The following RBFOX1 variants were observed in gnomAD, a reference collection of about 807,000 sequenced individuals.
RBFOX1 encodes the protein RNA binding protein fox-1 homolog 1.
A neutral mutation model predicts 57.7 loss-of-function variants in RBFOX1; 8 were observed. The observed-to-expected ratio is 0.14, with a 90% CI of 0.08 to 0.25. The LOEUF is 0.25. RBFOX1 is among the 10% of genes least tolerant of loss of function. The probability of loss-of-function intolerance (pLI) is 1.00; values close to 1 mark genes in which losing one functional copy is unlikely to be tolerated. For synonymous variants in RBFOX1, 326 were observed against 222.4 expected (o/e 1.47, Z -4.15); for missense variants, 611 against 548.5 (o/e 1.11, Z -1.14).
intron 2 of RBFOX1, among the ~76,000 whole-genome samples, chr16:6,366,842 T>G (rs1292686120): frequency 6.6e-6 from 1 of 152,206 alleles, no homozygotes; most frequent in Non-Finnish European, 1.5e-5. Flanking sequence ...GCTTTTGTGC[T>G]TTTCTGTCTC....
At chr16:6,145,440 T>C (rs2096750591) in intron 1 of RBFOX1, among the ~76,000 whole-genome samples, 1 of 152,218 alleles carries the variant, frequency 6.6e-6, no homozygotes, top group African/African-American at 2.4e-5. Flanking sequence ...CTGTCATTGA[T>C]GGGCATTTAG....
chr16:6,643,014 C>T (rs8054546), intron 2 of RBFOX1, among the ~76,000 whole-genome samples: 7 of 152,142 alleles, frequency 4.6e-5, no homozygotes, highest in Non-Finnish European at 7.4e-5. Context: ...AAACCATAGA[C>T]TTTTCGGAAT....
intron 1 of RBFOX1, among the ~76,000 whole-genome samples, chr16:5,408,144 G>C (rs976357828): frequency 1.3e-5 from 2 of 152,184 alleles, no homozygotes; most frequent in Non-Finnish European, 2.9e-5. Context: ...GCAAGGTGGT[G>C]CATTTTCAGC....
chr16:6,865,382 A>G (rs191172991), intron 3 of RBFOX1, among the ~76,000 whole-genome samples: 78 of 152,144 alleles, frequency 5.1e-4, no homozygotes, highest in Non-Finnish European at 6.6e-4. Context: ...AATGCAGAAA[A>G]ACACAAAGAA....
At chr16:5,448,366 G>C (rs2068318053) in intron 1 of RBFOX1, among the ~76,000 whole-genome samples, 1 of 152,168 alleles carries the variant, frequency 6.6e-6, no homozygotes, top group Non-Finnish European at 1.5e-5. Context: ...AAAAAAACTG[G>C]AATAAGGTAT....
At chr16:6,576,388 A>G (rs1038571340) in intron 2 of RBFOX1, among the ~76,000 whole-genome samples, 2 of 152,198 alleles carry the variant, frequency 1.3e-5, no homozygotes, top group Non-Finnish European at 2.9e-5. Context: ...AGACATGGGG[A>G]GAAGATGCCA....
chr16:6,735,687 G>T (rs1446763804), intron 3 of RBFOX1, among the ~76,000 whole-genome samples: 1 of 152,074 alleles, frequency 6.6e-6, no homozygotes, highest in Non-Finnish European at 1.5e-5. Flanking sequence ...AGATCCCTAG[G>T]GTTGCATTTC....
intron 3 of RBFOX1, among the ~76,000 whole-genome samples, chr16:6,974,431 G>A (rs181572250): frequency 7.7e-4 from 99 of 128,344 alleles, no homozygotes; most frequent in South Asian, 2.9e-3. Flanking sequence ...TGCAACTTTC[G>A]CCTCCCAGGT....
At chr16:5,342,502 A>G (rs1417069924) in intron 1 of RBFOX1, among the ~76,000 whole-genome samples, 1 of 152,170 alleles carries the variant, frequency 6.6e-6, no homozygotes, top group Non-Finnish European at 1.5e-5. Flanking sequence ...TAAAATGAGG[A>G]TAATAATATT....
chr16:6,049,691 A>G (rs1372148092), intron 1 of RBFOX1, among the ~76,000 whole-genome samples: 1 of 152,058 alleles, frequency 6.6e-6, no homozygotes, highest in South Asian at 2.1e-4. Flanking sequence ...CTTATTTCCA[A>G]TTCTAAAAAT....
intron 2 of RBFOX1, among the ~76,000 whole-genome samples, chr16:6,321,421 C>G (rs74005085): frequency 8.0e-4 from 122 of 152,280 alleles, no homozygotes; most frequent in Middle Eastern, 3.4e-3. Context: ...TAAATTGCTA[C>G]TGTCTCAAGC....
intron 4 of RBFOX1, among the ~76,000 whole-genome samples, chr16:7,450,092 G>C (rs1236436707): frequency 6.6e-6 from 1 of 152,008 alleles, no homozygotes; most frequent in Non-Finnish European, 1.5e-5. Context: ...TCAATCTAAA[G>C]TATAAATAAA....
At chr16:7,707,409 GGA>G (rs903225190) in intron 14 of RBFOX1, among the ~76,000 whole-genome samples, 2 of 152,134 alleles carry the variant, frequency 1.3e-5, no homozygotes, top group African/African-American at 4.8e-5. Context: ...AAACAGGAAA[GGA>G]GAGGGAAAAG....
chr16:7,081,479 G>A (rs1206699623), intron 4 of RBFOX1, among the ~76,000 whole-genome samples: 1 of 152,178 alleles, frequency 6.6e-6, no homozygotes, highest in Non-Finnish European at 1.5e-5. Flanking sequence ...TGGCTTTAGA[G>A]AAATTCACCT....
intron 1 of RBFOX1, among the ~76,000 whole-genome samples, chr16:6,072,614 AT>A (rs2095850534): frequency 6.7e-6 from 1 of 148,272 alleles, no homozygotes; most frequent in East Asian, 2.0e-4. Flanking sequence ...CAGGCCAACA[AT>A]TGTTTTTTTT....
chr16:7,196,593 C>T (rs751306589), intron 4 of RBFOX1, among the ~76,000 whole-genome samples: 1 of 152,110 alleles, frequency 6.6e-6, no homozygotes, highest in Non-Finnish European at 1.5e-5. Flanking sequence ...TATTTTTATT[C>T]GCATTTTTTA....
intron 4 of RBFOX1, among the ~76,000 whole-genome samples, chr16:7,105,688 A>G (rs113303050): frequency 9.2e-5 from 14 of 151,970 alleles, no homozygotes; most frequent in Non-Finnish European, 1.6e-4. Flanking sequence ...CTATCTGTCT[A>G]TCTCTCTATA....
At chr16:7,335,989 A>G (rs2144734948) in intron 4 of RBFOX1, among the ~76,000 whole-genome samples, 1 of 152,350 alleles carries the variant, frequency 6.6e-6, no homozygotes, top group African/African-American at 2.4e-5. Context: ...TCCCAAGTGC[A>G]TTGTACAAAT....
intron 1 of RBFOX1, among the ~76,000 whole-genome samples, chr16:5,323,197 T>G (rs1340455449): frequency 6.6e-6 from 1 of 152,244 alleles, no homozygotes; most frequent in Admixed American, 6.5e-5. Context: ...GAAATGCATT[T>G]CTTGCCGACT....
Sources: allele counts gnomAD v4.1 joint callset (sites outside exome capture counted in the v4.1 genomes callset), GRCh38; gene constraint gnomAD v4.1.1; transcripts MANE v1.5; gene names NCBI Gene and HGNC (gene_info 2026-07-23, HGNC 2026-07-21).